TTC28: variants seen among roughly 807,000 people sequenced by gnomAD.
TTC28 encodes the protein tetratricopeptide repeat protein 28.
Under a neutral mutation model 198.0 loss-of-function variants are expected in TTC28, and 61 were observed. That is an observed-to-expected ratio of 0.31 (90% CI 0.25 to 0.38). The LOEUF (loss-of-function observed/expected upper bound fraction) is 0.38, where lower values mean the gene tolerates loss of function less well. Among genes scored for constraint, TTC28 ranks in the 10% least tolerant of loss-of-function variants. The probability of loss-of-function intolerance (pLI) is 1.00; values close to 1 mark genes in which losing one functional copy is unlikely to be tolerated. For missense variants in TTC28, 2,678 were observed against 3,164.0 expected (o/e 0.85, Z 3.69); for synonymous variants, 1,171 against 1,297.8 (o/e 0.90, Z 2.10).
chr22:28,265,723 A>G (rs1245389511), intron 5 of TTC28, among the ~76,000 whole-genome samples: 1 of 152,196 alleles, frequency 6.6e-6, no homozygotes, highest in Non-Finnish European at 1.5e-5. Context: ...GGCCAGCCAT[A>G]GTAAATAAGA....
At chr22:28,410,103 G>A (rs573307509) in intron 2 of TTC28, among the ~76,000 whole-genome samples, 1 of 151,178 alleles carries the variant, frequency 6.6e-6, no homozygotes, top group Non-Finnish European at 1.5e-5. Context: ...TGTATTTTTT[G>A]TAGAGATGGG....
intron 2 of TTC28, among the ~76,000 whole-genome samples, chr22:28,584,026 T>TGG (rs2050273588): frequency 6.8e-6 from 1 of 146,888 alleles, no homozygotes; most frequent in African/African-American, 2.5e-5. Context: ...GTTTTTTTTT[T>TGG]TTTTTTTGGC....
intron 13 of TTC28, among the ~76,000 whole-genome samples, chr22:28,015,289 CACCTGCCCTGTG>C (rs1239051777): frequency 6.6e-6 from 1 of 152,264 alleles, no homozygotes; most frequent in South Asian, 2.1e-4. Context: ...ATCCTCTCAG[CACCTGCCCTGTG>C]GCCTGGCCAC....
intron 12 of TTC28, among the ~76,000 whole-genome samples, chr22:28,081,284 G>C (rs748511753): frequency 6.6e-6 from 1 of 151,858 alleles, no homozygotes; most frequent in Non-Finnish European, 1.5e-5. Context: ...AGGTTCAAGC[G>C]ATTCTCATGC....
chr22:28,474,082 T>A (rs1168875871), intron 2 of TTC28, among the ~76,000 whole-genome samples: 1 of 152,200 alleles, frequency 6.6e-6, no homozygotes, highest in Non-Finnish European at 1.5e-5. Context: ...ACATGACAGA[T>A]TAAACACGAA....
chr22:28,262,829 G>A (rs1034664110), intron 5 of TTC28, among the ~76,000 whole-genome samples: 1 of 152,126 alleles, frequency 6.6e-6, no homozygotes, highest in African/African-American at 2.4e-5. Context: ...GGAGAGGATG[G>A]TTCCTACGAT....
chr22:27,983,232 A>T lies in TTC28; in HGVS notation c.6435T>A (p.Ser2145Arg). The change falls in exon 23 of 23, where the codon AGT becomes AGA. Residue 2145 changes from serine (S) to arginine (R), a missense_variant. This residue lies in a region of TTC28 where 622 missense variants were observed against 656.0 expected (regional missense o/e 0.95). Coordinates refer to ENST00000397906, the MANE Select transcript of TTC28 (RefSeq NM_001145418.2). ...TGCTTTCTTCTTGGGATTTCACGGT[A>T]CTGTCCGTTTCTGTGCTAGACTGGT... ...ESDQSSTETD[S>R]TVKSQEESNP... 6.4e-7 allele frequency: 1 copy of T among 1,551,764 alleles called. No homozygotes were observed. Among genetic ancestry groups the T allele is most frequent in the East Asian group, 2.4e-5 (1 of 40,898 alleles).
intron 6 of TTC28, among the ~76,000 whole-genome samples, chr22:28,144,525 G>A (rs1943416386): frequency 6.6e-6 from 1 of 152,180 alleles, no homozygotes; most frequent in South Asian, 2.1e-4. Context: ...GCTGTGCTAT[G>A]GTCATTCCTT....
At chr22:28,371,529 A>AAAAAAAAAAAAAAAAAAAAG (rs71194763) in intron 2 of TTC28, among the ~76,000 whole-genome samples, 8 of 125,698 alleles carry the variant, frequency 6.4e-5, no homozygotes, top group Non-Finnish European at 8.5e-5. Flanking sequence ...AAAAAAAAAA[A>AAAAAAAAAAAAAAAAAAAAG]GAGTTCAGAA....
chr22:28,224,930 T>G (rs1334469204), intron 5 of TTC28, among the ~76,000 whole-genome samples: 2 of 152,198 alleles, frequency 1.3e-5, no homozygotes, highest in Non-Finnish European at 2.9e-5. Context: ...TAACTATCAC[T>G]TAGAAATTCG....
At chr22:28,135,222 G>C (rs1438448285) in intron 6 of TTC28, among the ~76,000 whole-genome samples, 1 of 152,178 alleles carries the variant, frequency 6.6e-6, no homozygotes, top group African/African-American at 2.4e-5. Context: ...GTGGAAGTCA[G>C]GTTCTCTACT....
intron 5 of TTC28, among the ~76,000 whole-genome samples, chr22:28,270,327 C>T (rs1031129699): frequency 2.6e-5 from 4 of 151,930 alleles, no homozygotes; most frequent in East Asian, 1.9e-4. Context: ...TTCAGGGTTA[C>T]ATTCATGCTA....
At chr22:28,520,291 G>A (rs1395117269) in intron 2 of TTC28, among the ~76,000 whole-genome samples, 1 of 152,188 alleles carries the variant, frequency 6.6e-6, no homozygotes, top group Non-Finnish European at 1.5e-5. Context: ...TTATAAGTCT[G>A]TAAAAGCCTT....
In TTC28 at chr22:27,992,579, C is replaced by T. The variant is rs1179138982; in HGVS notation, c.5553+8G>A. 4 of 1,551,216 alleles carry T rather than the reference C, an allele frequency of 2.6e-6. No homozygotes were observed. The highest frequency in any genetic ancestry group is 2.4e-5 in the East Asian group (1 of 40,904). ...AGGCCCTGGCTCAGCCCTCCAGGCT[C>T]GACTTACCCGGCTGATGAGCTGCTC... On this transcript the variant is annotated splice_region_variant and intron_variant, in intron 19 of 22. Coordinates refer to ENST00000397906, the MANE Select transcript of TTC28 (RefSeq NM_001145418.2).
chr22:28,398,254 C>A (rs1157692672), intron 2 of TTC28, among the ~76,000 whole-genome samples: 1 of 152,068 alleles, frequency 6.6e-6, no homozygotes, highest in African/African-American at 2.4e-5. Flanking sequence ...GGAGAGGGGG[C>A]CAGGGCCTGT....
chr22:28,513,074 TG>T (rs1400681947), intron 2 of TTC28, among the ~76,000 whole-genome samples: 1 of 148,924 alleles, frequency 6.7e-6, no homozygotes, highest in Non-Finnish European at 1.5e-5. Flanking sequence ...CAAAAGCTCC[TG>T]GATCAGGCGA....
At chr22:28,117,819 A>G (rs1175504409) in intron 6 of TTC28, among the ~76,000 whole-genome samples, 1 of 152,232 alleles carries the variant, frequency 6.6e-6, no homozygotes, top group Non-Finnish European at 1.5e-5. Flanking sequence ...TTGGATAATA[A>G]CAATTGTGAA....
rs528250610 is a variant in TTC28, at chr22:28,472,657, G to A, written c.381+156895C>T. Among the ~76,000 whole-genome samples, 12 of 148,832 alleles carry A rather than the reference G, an allele frequency of 8.1e-5. No individual in the cohort carries two copies. In the South Asian group the frequency reaches 1.5e-3, roughly 19 times the overall value. On this transcript the variant is annotated intron_variant, in intron 2 of 22. Coordinates refer to ENST00000397906, the MANE Select transcript of TTC28 (RefSeq NM_001145418.2). ...ATAAGAACAGGTTACTTTTAAATTCGAAGACCAGTTCAGGCAAGTTATATC... is the reference window on the plus strand; with the variant it reads ...ATAAGAACAGGTTACTTTTAAATTCAAAGACCAGTTCAGGCAAGTTATATC...
At chr22:28,200,161 G>A (rs113264025) in intron 5 of TTC28, among the ~76,000 whole-genome samples, 1,903 of 152,150 alleles carry the variant, frequency 0.013, 41 homozygotes, top group East Asian at 0.082. Flanking sequence ...TGATCATAGC[G>A]TACTACAGAC....
Sources: gnomAD v4.1 joint callset for allele counts (sites outside exome capture counted in the v4.1 genomes callset) on GRCh38, gnomAD v4.1.1 for gene constraint, gnomAD v4.1.1 regional missense constraint, MANE v1.5 for transcripts, NCBI Gene and HGNC (gene_info 2026-07-23, HGNC 2026-07-21) for gene names.